PCDHGA4: variants seen among roughly 807,000 people sequenced by gnomAD.
PCDHGA4 encodes the protein protocadherin gamma subfamily A, 4, also known as protocadherin gamma-A4.
In PCDHGA4, 38 loss-of-function variants were observed where a neutral mutation model predicts 54.6. The ratio of observed to expected loss-of-function variants is 0.70; its 90% CI spans 0.54 to 0.91. PCDHGA4 has a LOEUF of 0.91. Among genes scored for constraint, PCDHGA4 ranks in the 40% least tolerant of loss-of-function variants. The probability of loss-of-function intolerance (pLI) is 0.00; values close to 1 mark genes in which losing one functional copy is unlikely to be tolerated. For synonymous variants in PCDHGA4, 511 were observed against 512.9 expected (o/e 1.00, Z 0.05); for missense variants, 1,298 against 1,220.9 (o/e 1.06, Z -0.94).
intron 1 of PCDHGA4, among the ~76,000 whole-genome samples, chr5:141,452,019 C>T (rs1227308101): frequency 3.3e-5 from 5 of 152,194 alleles, no homozygotes; most frequent in African/African-American, 1.2e-4. Flanking sequence ...AGCCCACACT[C>T]TGGGGAGATG....
At chr5:141,405,830 G>A (rs1214599375) in intron 1 of PCDHGA4, among the ~76,000 whole-genome samples, 3 of 152,148 alleles carry the variant, frequency 2.0e-5, no homozygotes, top group East Asian at 1.9e-4. Flanking sequence ...ACTTAAGGTA[G>A]TATAAGTTGA....
intron 1 of PCDHGA4, chr5:141,409,257 T>C: frequency 6.2e-7 from 1 of 1,614,022 alleles, no homozygotes; most frequent in Non-Finnish European, 8.5e-7. Flanking sequence ...ATCACTTCTC[T>C]CTCTGATCAG....
At chr5:141,370,714 A>G in intron 1 of PCDHGA4, 1 of 1,613,830 alleles carries the variant, frequency 6.2e-7, no homozygotes, top group Non-Finnish European at 8.5e-7. Flanking sequence ...CTGGAATTTG[A>G]AATGGTTGCT....
intron 1 of PCDHGA4, chr5:141,422,139 A>G (rs2096627272): frequency 6.3e-7 from 1 of 1,588,154 alleles, no homozygotes. Context: ...AAGTTCAAGT[A>G]CGGGGGTCTC....
intron 1 of PCDHGA4, chr5:141,404,534 T>A: frequency 6.2e-7 from 1 of 1,613,954 alleles, no homozygotes; most frequent in Non-Finnish European, 8.5e-7. Context: ...GTTTAGAGAT[T>A]TGCAAATGCA....
intron 1 of PCDHGA4, among the ~76,000 whole-genome samples, chr5:141,457,005 A>T (rs2098903361): frequency 6.6e-6 from 1 of 152,146 alleles, no homozygotes; most frequent in Admixed American, 6.5e-5. Flanking sequence ...TGCATTACTA[A>T]ATCCAATAAA....
chr5:141,488,681 C>G, intron 1 of PCDHGA4, among the ~76,000 whole-genome samples: 1 of 152,204 alleles, frequency 6.6e-6, no homozygotes, highest in East Asian at 1.9e-4. Flanking sequence ...GGCTTTGCCT[C>G]TCCCAGAAGG....
intron 1 of PCDHGA4, chr5:141,430,809 G>T (rs949727881): frequency 2.0e-6 from 3 of 1,526,896 alleles, no homozygotes; most frequent in Non-Finnish European, 2.6e-6. Flanking sequence ...GTCCTGCTGG[G>T]AATCCTCCTG....
intron 1 of PCDHGA4, among the ~76,000 whole-genome samples, chr5:141,447,279 A>G (rs1394174534): frequency 1.3e-5 from 2 of 152,156 alleles, no homozygotes; most frequent in African/African-American, 4.8e-5. Flanking sequence ...AGCTGGGACT[A>G]CAGGCACATG....
Position 141,485,992 on chromosome 5 carries a change from C to T in PCDHGA4, c.2515-8815C>T. The T allele has an allele frequency of 6.2e-7, 1 of 1,614,156 alleles. No individual in the cohort carries two copies. The highest frequency in any genetic ancestry group is 2.2e-5 in the East Asian group (1 of 44,870). On this transcript the variant is annotated intron_variant, in intron 1 of 3. Coordinates refer to ENST00000571252, the MANE Select transcript of PCDHGA4 (RefSeq NM_018917.4). The surrounding 1 kb of genome is among the most constrained non-coding windows in gnomAD (Gnocchi z 5.7). ...ATGCCTCAGACCCGGACCTGGGTCC[C>T]AGTGGTAACGTCACCTTTTATTTCA...
At chr5:141,384,969 G>A (rs996601457) in intron 1 of PCDHGA4, 5 of 1,614,014 alleles carry the variant, frequency 3.1e-6, no homozygotes, top group African/African-American at 2.7e-5. Context: ...ATGACCTCAC[G>A]TTGTACCTGG....
chr5:141,393,682 C>T (rs756181553), intron 1 of PCDHGA4: 18 of 1,613,870 alleles, frequency 1.1e-5, no homozygotes, highest in Non-Finnish European at 1.3e-5. Context: ...AAACAAACTC[C>T]GTTATTCCAG....
In PCDHGA4 at chr5:141,405,069, C is replaced by T. The variant is rs200974828; in HGVS notation, c.2514+47448C>T. On this transcript the variant is annotated intron_variant, in intron 1 of 3. Coordinates refer to ENST00000571252, the MANE Select transcript of PCDHGA4 (RefSeq NM_018917.4). ...GCAGTCGTCTCCTGTGTCTTCCTCA[C>T]CTTCGTTATCACGCTGCTGGCCCTC... is the stretch of plus-strand genomic sequence containing the variant. 1.3e-4 allele frequency: 215 copies of T among 1,613,758 alleles called. No individual in the cohort carries two copies. The highest frequency in any genetic ancestry group is 1.7e-4 in the Non-Finnish European group (203 of 1,179,762).
intron 1 of PCDHGA4, chr5:141,423,956 A>G: frequency 1.7e-6 from 2 of 1,182,724 alleles, no homozygotes; most frequent in Non-Finnish European, 2.1e-6. Flanking sequence ...TTTTAGTATT[A>G]TTTTTCTATT....
At chr5:141,419,547 T>C (rs2096397603) in intron 1 of PCDHGA4, 6 of 1,612,070 alleles carry the variant, frequency 3.7e-6, no homozygotes, top group Non-Finnish European at 5.1e-6. Context: ...CCGCGGGTGC[T>C]GTACCCTGCG....
At chr5:141,372,403 A>G in intron 1 of PCDHGA4, 1 of 1,614,028 alleles carries the variant, frequency 6.2e-7, no homozygotes, top group Non-Finnish European at 8.5e-7. Flanking sequence ...AGCTTGCAAG[A>G]GATACAACCT....
In PCDHGA4 at chr5:141,486,440, A is replaced by G; in HGVS notation, c.2515-8367A>G. 6.2e-7 allele frequency: 1 copy of G among 1,614,114 alleles called. No individual in the cohort carries two copies. The highest frequency in any genetic ancestry group is 8.5e-7 in the Non-Finnish European group (1 of 1,179,936). On this transcript the variant is annotated intron_variant, in intron 1 of 3. Coordinates refer to ENST00000571252, the MANE Select transcript of PCDHGA4 (RefSeq NM_018917.4). This position sits in a 1 kb window ranked among gnomAD's most constrained non-coding sequence, Gnocchi z 5.0. ...TCGAGAGGCCAAATCTAGCTATGACATCATGGTCACTGCTTCTGATGCTGG... is the reference window on the plus strand; with the variant it reads ...TCGAGAGGCCAAATCTAGCTATGACGTCATGGTCACTGCTTCTGATGCTGG...
rs1030573273 is a variant in PCDHGA4, at chr5:141,373,834, G to T, written c.2514+16213G>T. On this transcript the variant is annotated intron_variant, in intron 1 of 3. Coordinates refer to ENST00000571252, the MANE Select transcript of PCDHGA4 (RefSeq NM_018917.4). Reference sequence around the variant, plus strand: ...GTTTCACAAAACGATGCAGTATTAAGTTAGGACTCTAAGCGTCGCTGTTGA... The same window carrying T: ...GTTTCACAAAACGATGCAGTATTAATTTAGGACTCTAAGCGTCGCTGTTGA... The T allele has an allele frequency of 1.2e-5, 5 of 424,566 alleles. No individual in the cohort carries two copies. In the East Asian group the frequency reaches 1.8e-4, roughly 15 times the overall value. The allele number at this position is 424,566 out of a possible 1,614,324, so 26.3% of individuals were successfully genotyped here. A position where few individuals can be genotyped will look rare whatever the true frequency, so the allele number is the denominator to read the frequency against.
intron 2 of PCDHGA4, among the ~76,000 whole-genome samples, chr5:141,501,223 T>G (rs1247662371): frequency 6.6e-6 from 1 of 151,280 alleles, no homozygotes; most frequent in African/African-American, 2.4e-5. Flanking sequence ...CTTCCTAGAT[T>G]TCTCAGTTTT....
Sources: gnomAD v4.1 joint callset for allele counts (sites outside exome capture counted in the v4.1 genomes callset) on GRCh38, gnomAD v4.1.1 for gene constraint, Gnocchi (gnomAD v3.1) non-coding constraint, MANE v1.5 for transcripts, NCBI Gene and HGNC (gene_info 2026-07-23, HGNC 2026-07-21) for gene names.